GNAL: variants seen among roughly 807,000 people sequenced by gnomAD.
GNAL encodes the protein guanine nucleotide-binding protein G(olf) subunit alpha.
Under a neutral mutation model 55.1 loss-of-function variants are expected in GNAL, and 18 were observed. The ratio of observed to expected loss-of-function variants is 0.33; its 90% CI spans 0.23 to 0.48. GNAL has a LOEUF of 0.48. Among genes scored for constraint, GNAL ranks in the 20% least tolerant of loss-of-function variants. The pLI is 0.99. For missense variants in GNAL, 412 were observed against 614.1 expected (o/e 0.67, Z 3.48); for synonymous variants, 253 against 237.0 (o/e 1.07, Z -0.62).
At position 11,884,954 on chromosome 18, in the gene GNAL, C is replaced by T; in HGVS notation, c.*3819C>T. 7.7e-7 allele frequency: 1 copy of T among 1,292,218 alleles called. No homozygotes were observed. 80.0% of individuals were successfully genotyped at this position (1,292,218 alleles called of 1,614,324 possible). A position where few individuals can be genotyped will look rare whatever the true frequency, so the allele number is the denominator to read the frequency against. On this transcript the variant is annotated 3_prime_UTR_variant, in exon 12 of 12. Transcript: ENST00000334049. ...GATCCATAACAGAGATTCAGAGAGG[C>T]ACCGTGGAGTTCCAGGGTCATCGGT...
chr18:11,830,590 T>G (rs905218321), intron 5 of GNAL, among the ~76,000 whole-genome samples: 5 of 152,264 alleles, frequency 3.3e-5, no homozygotes, highest in African/African-American at 1.2e-4. Flanking sequence ...CTCAAAAGGT[T>G]CAACATCGAA....
At position 11,689,706 on chromosome 18, in the gene GNAL, C is replaced by T. The variant is rs917356429; in HGVS notation, c.143C>T (p.Thr48Met). ...CCAGTCCGGGCGGCCGCAAGGGACA[C>T]GGCCCGGACCCTGCTCCCTCGGGGC... Reference protein sequence around the residue: ...LAPVRAAARDTARTLLPRGGE... With the variant: ...LAPVRAAARDMARTLLPRGGE... Residue 48 changes from threonine (T) to methionine (M), a missense_variant, in exon 1 of 12, where the codon ACG (threonine) becomes ATG (methionine). This residue lies in a region of GNAL where 228 missense variants were observed against 194.8 expected (regional missense o/e 1.17). Coordinates refer to ENST00000334049, the MANE Select transcript of GNAL (RefSeq NM_182978.4). The T allele has an allele frequency of 2.0e-6, 3 of 1,485,764 alleles. No homozygotes were observed. The highest frequency in any genetic ancestry group is 2.5e-5 in the South Asian group (2 of 79,002). The allele number at this position is 1,485,764 out of a possible 1,614,324, so 92.0% of individuals were successfully genotyped here.
At chr18:11,816,171 C>T (rs1392713263) in intron 4 of GNAL, among the ~76,000 whole-genome samples, 2 of 152,168 alleles carry the variant, frequency 1.3e-5, no homozygotes, top group Non-Finnish European at 2.9e-5. Context: ...CACAAATAGT[C>T]CTAGTAGCAC....
intron 1 of GNAL, among the ~76,000 whole-genome samples, chr18:11,718,654 T>C (rs1018584292): frequency 3.9e-5 from 6 of 152,194 alleles, no homozygotes; most frequent in Admixed American, 2.6e-4. Flanking sequence ...CACAAGCATC[T>C]TCTAGCTAAG....
At chr18:11,738,719 G>A (rs1347561117) in intron 1 of GNAL, among the ~76,000 whole-genome samples, 5 of 152,178 alleles carry the variant, frequency 3.3e-5, no homozygotes, top group African/African-American at 9.7e-5. Flanking sequence ...AGAGTGCTGG[G>A]ATTACAAGCA....
chr18:11,862,586 T>C (rs2036171993), intron 6 of GNAL, 137 bp downstream of exon 6: 9 of 686,544 alleles, frequency 1.3e-5, no homozygotes, highest in Non-Finnish European at 1.8e-5. Flanking sequence ...TGTACTGCCC[T>C]GTGTGTGTGC....
At chr18:11,766,417 G>A (rs1352488912) in intron 4 of GNAL, among the ~76,000 whole-genome samples, 1 of 152,148 alleles carries the variant, frequency 6.6e-6, no homozygotes, top group Non-Finnish European at 1.5e-5. Flanking sequence ...ATTTGTGGAT[G>A]GCATAAAATC....
intron 1 of GNAL, among the ~76,000 whole-genome samples, chr18:11,736,472 TA>T (rs1285261207): frequency 2.6e-5 from 4 of 152,258 alleles, no homozygotes; most frequent in African/African-American, 9.6e-5. Context: ...AAATAAGATT[TA>T]AAGTATCACA....
intron 4 of GNAL, among the ~76,000 whole-genome samples, chr18:11,772,769 A>G (rs1418382741): frequency 6.6e-6 from 1 of 152,192 alleles, no homozygotes; most frequent in African/African-American, 2.4e-5. Flanking sequence ...GCATTTATAC[A>G]GCGGAGTTTC....
At chr18:11,693,166 A>T (rs961545405) in intron 1 of GNAL, among the ~76,000 whole-genome samples, 12 of 152,080 alleles carry the variant, frequency 7.9e-5, no homozygotes, top group African/African-American at 2.9e-4. Flanking sequence ...AGGATATGAG[A>T]AGCAGAAAAT....
At chr18:11,812,317 A>G (rs2034837256) in intron 4 of GNAL, among the ~76,000 whole-genome samples, 1 of 152,200 alleles carries the variant, frequency 6.6e-6, no homozygotes, top group Admixed American at 6.5e-5. Flanking sequence ...AAGCAGTAGA[A>G]ATCCTGCAAC....
chr18:11,852,219 A>C lies in GNAL; in HGVS notation c.723-10176A>C, dbSNP rs1034677999. The C allele has an allele frequency of 3.0e-6, 4 of 1,353,266 alleles. No individual in the cohort carries two copies. In the African/African-American group the frequency reaches 5.9e-5, roughly 20 times the overall value. 83.8% of individuals were successfully genotyped at this position (1,353,266 alleles called of 1,614,324 possible). On this transcript the variant is annotated intron_variant, in intron 5 of 11. Coordinates refer to ENST00000334049, the MANE Select transcript of GNAL (RefSeq NM_182978.4). ...AAACTCTGAACACGCCAGAATGCTGAAATGCCCTTCTACCTTTGGGTTTAC... is the reference window on the plus strand; with the variant it reads ...AAACTCTGAACACGCCAGAATGCTGCAATGCCCTTCTACCTTTGGGTTTAC...
chr18:11,798,606 T>C (rs972309446), intron 4 of GNAL, among the ~76,000 whole-genome samples: 16 of 152,228 alleles, frequency 1.1e-4, no homozygotes, highest in African/African-American at 3.9e-4. Flanking sequence ...CAAATATGTA[T>C]GAATTATGTT....
chr18:11,731,748 C>T (rs952007925), intron 1 of GNAL, among the ~76,000 whole-genome samples: 13 of 152,174 alleles, frequency 8.5e-5, no homozygotes, highest in African/African-American at 3.1e-4. Flanking sequence ...CCATCACCAC[C>T]GTCCTTGGGA....
chr18:11,692,421 C>T (rs897772237), intron 1 of GNAL, among the ~76,000 whole-genome samples: 2 of 152,190 alleles, frequency 1.3e-5, no homozygotes, highest in Admixed American at 1.3e-4. Flanking sequence ...GCGGGCTGAG[C>T]GGTAGCAGAG....
intron 1 of GNAL, among the ~76,000 whole-genome samples, chr18:11,724,671 G>A (rs1330776024): frequency 6.6e-6 from 1 of 152,158 alleles, no homozygotes; most frequent in East Asian, 1.9e-4. Context: ...GTGCCTTCGG[G>A]GCCTGCTCAG....
chr18:11,813,755 G>A (rs1475140400), intron 4 of GNAL, among the ~76,000 whole-genome samples: 1 of 152,212 alleles, frequency 6.6e-6, no homozygotes, highest in East Asian at 1.9e-4. Context: ...GCATGTGCCT[G>A]TGGTCCCAGC....
intron 5 of GNAL, among the ~76,000 whole-genome samples, chr18:11,845,360 A>G (rs769254532): frequency 6.6e-6 from 1 of 152,234 alleles, no homozygotes; most frequent in East Asian, 1.9e-4. Context: ...AGAATAAACT[A>G]TGTTTCCCAG....
chr18:11,717,074 G>T (rs2031986388), intron 1 of GNAL, among the ~76,000 whole-genome samples: 1 of 152,246 alleles, frequency 6.6e-6, no homozygotes, highest in African/African-American at 2.4e-5. Flanking sequence ...CGGGCTGCAG[G>T]TCCCCAGCCC....
Sources: gnomAD v4.1 joint callset for allele counts (sites outside exome capture counted in the v4.1 genomes callset) on GRCh38, gnomAD v4.1.1 for gene constraint, gnomAD v4.1.1 regional missense constraint, MANE v1.5 for transcripts, NCBI Gene and HGNC (gene_info 2026-07-23, HGNC 2026-07-21) for gene names.